PEAR1: variants seen among roughly 807,000 people sequenced by gnomAD.
PEAR1 encodes platelet endothelial aggregation receptor 1.
Under a neutral mutation model 131.2 loss-of-function variants are expected in PEAR1, and 113 were observed. The observed-to-expected ratio is 0.86, with a 90% CI of 0.74 to 1.01. The LOEUF (loss-of-function observed/expected upper bound fraction) is 1.01, where lower values mean the gene tolerates loss of function less well. PEAR1 is among the 50% of genes least tolerant of loss of function. The pLI, the probability that PEAR1 is intolerant of heterozygous loss-of-function variation, is 0.00. For synonymous variants in PEAR1, 565 were observed against 523.3 expected, an observed-to-expected ratio of 1.08 and a Z score of -1.09; for missense variants, 1,408 against 1,391.1, an observed-to-expected ratio of 1.01 and a Z score of -0.19.
rs944098914 is a variant in PEAR1, at chr1:156,907,776, A to C, written c.765+46A>C. 5.1e-6 allele frequency: 8 copies of C among 1,570,932 alleles called. No individual in the cohort carries two copies. In the African/African-American group the frequency reaches 1.1e-4, roughly 22 times the overall value. On this transcript the variant is annotated intron_variant, in intron 7 of 22. Transcript: ENST00000292357. ...GGGCATGGGGTGTGGGTCTGGGGAG[A>C]ATTCTGTGGGTGGTGCTAAGCAGGG...
intron 6 of PEAR1, 60 bp from the exon 7 acceptor site, chr1:156,907,550 G>T (rs991733286): frequency 1.3e-6 from 2 of 1,562,250 alleles, no homozygotes; most frequent in Non-Finnish European, 1.7e-6. Context: ...GTCCTTGGAG[G>T]CAAGAGAGGA....
rs2102950186 is a variant in PEAR1 at position 156,894,681 on chromosome 1, C to G, written c.-10+844C>G. Among the ~76,000 whole-genome samples, 2 of 152,312 alleles carry G rather than the reference C, an allele frequency of 1.3e-5. 1 individual carries two copies. The highest frequency in any genetic ancestry group is 4.2e-4 in the South Asian group (2 of 4,818). On this transcript the variant is annotated intron_variant, in intron 1 of 22. Coordinates refer to ENST00000292357, the MANE Select transcript of PEAR1 (RefSeq NM_001080471.3). ...CAGCAAGGCAACCCTTCACCCCCAC[C>G]CCCGTCTCCAGCCTCCAGTAGCTGC...
chr1:156,911,127 TTTC>T (rs1176192204), intron 15 of PEAR1, among the ~76,000 whole-genome samples: 1 of 124,086 alleles, frequency 8.1e-6, no homozygotes, highest in African/African-American at 3.7e-5. Flanking sequence ...TCTTTCTTTC[TTTC>T]CTTTCTTTCT....
intron 1 of PEAR1, among the ~76,000 whole-genome samples, chr1:156,903,566 G>A (rs926091320): frequency 6.6e-6 from 1 of 152,176 alleles, no homozygotes; most frequent in African/African-American, 2.4e-5. Context: ...TGGGGTGGGG[G>A]TGAATGATAC....
In PEAR1 at chr1:156,906,404, T is replaced by C. The variant is rs371590783; in HGVS notation, c.400+36T>C. ...ACTGACCCCAGGGAGTGGCCTCTTG[T>C]GCCTTCAGGGCCACAGGACCCTCAG... On this transcript the variant is annotated intron_variant, in intron 5 of 22. Transcript: ENST00000292357. 3.1e-6 allele frequency: 5 copies of C among 1,609,524 alleles called. No homozygotes were observed. In the African/African-American group the frequency reaches 6.7e-5, roughly 22 times the overall value.
intron 1 of PEAR1, among the ~76,000 whole-genome samples, chr1:156,899,452 G>A (rs1649470116): frequency 1.3e-5 from 2 of 152,052 alleles, no homozygotes; most frequent in African/African-American, 4.8e-5. Flanking sequence ...TCTCGGGGGA[G>A]CCTGGCCCCC....
intron 1 of PEAR1, among the ~76,000 whole-genome samples, chr1:156,894,733 A>G (rs1327412257): frequency 6.6e-6 from 1 of 152,116 alleles, no homozygotes; most frequent in Non-Finnish European, 1.5e-5. Flanking sequence ...CTGGCCTGTT[A>G]TGAGTGGCCT....
rs939307391 is a variant in PEAR1 at position 156,908,524 on chromosome 1, T to C, written c.1116-131T>C. 7.5e-6 allele frequency: 9 copies of C among 1,199,894 alleles called. No homozygotes were observed. The highest frequency in any genetic ancestry group is 2.9e-5 in the Admixed American group (1 of 35,024). The allele number at this position is 1,199,894 out of a possible 1,614,324, so 74.3% of individuals were successfully genotyped here. Reference sequence around the variant, plus strand: ...ACTTGCCCCAACCCAGTTTTCAGAATAGCGCGGAGCCTCCCTAGTGACCCC... The same window carrying C: ...ACTTGCCCCAACCCAGTTTTCAGAACAGCGCGGAGCCTCCCTAGTGACCCC... On this transcript the variant is annotated intron_variant, in intron 9 of 22. Transcript: ENST00000292357. The surrounding 1 kb of genome is among the most constrained non-coding windows in gnomAD (Gnocchi z 4.2).
Position 156,902,298 on chromosome 1 carries a change from GGGACTGA to G in PEAR1, c.-9-1616_-9-1610del, listed in dbSNP as rs1436616678. On this transcript the variant is annotated intron_variant, in intron 1 of 22. Coordinates refer to ENST00000292357, the MANE Select transcript of PEAR1 (RefSeq NM_001080471.3). This position sits in a 1 kb window ranked among gnomAD's most constrained non-coding sequence, Gnocchi z 4.3. The stretch of plus-strand genomic sequence containing the variant: ...CAGGCCCCACCTGGTGAGTTACTTG[GGGACTGA>G]GGATGGATAGGAGGAAGCACAGAGG... The G allele has an allele frequency of 6.5e-6, 1 of 152,910 alleles. No individual in the cohort carries two copies. The highest frequency in any genetic ancestry group is 1.5e-5 in the Non-Finnish European group (1 of 68,472). 9.5% of individuals were successfully genotyped at this position (152,910 alleles called of 1,614,324 possible). A position where few individuals can be genotyped will look rare whatever the true frequency, so the allele number is the denominator to read the frequency against.
chr1:156,908,190 C>T lies in PEAR1; in HGVS notation c.965C>T (p.Ala322Val), dbSNP rs750423216. The T allele has an allele frequency of 2.5e-6, 4 of 1,602,968 alleles. No homozygotes were observed. Among genetic ancestry groups the T allele is most frequent in the African/African-American group, 1.3e-5 (1 of 74,874 alleles). The change falls in exon 9 of 23, where the codon GCC becomes GTC. Residue 322 changes from alanine to valine, a missense_variant. Coordinates refer to ENST00000292357, the MANE Select transcript of PEAR1 (RefSeq NM_001080471.3). This position sits in a 1 kb window ranked among gnomAD's most constrained non-coding sequence, Gnocchi z 4.2. Reference sequence around the variant, plus strand: ...GACTGTGCTGAGACGTGCGACTGCGCCCCGGACGCCCGTTGCTTCCCGGCC... The same window carrying T: ...GACTGTGCTGAGACGTGCGACTGCGTCCCGGACGCCCGTTGCTTCCCGGCC... ...GQDCAETCDC[A>V]PDARCFPANG...
intron 1 of PEAR1, 58 bp downstream of exon 1, chr1:156,893,895 C>T (rs1400666549): frequency 6.6e-6 from 1 of 152,278 alleles, no homozygotes; most frequent in Non-Finnish European, 1.5e-5. Context: ...CCGGAGACCA[C>T]CCTGCCCCGG....
intron 2 of PEAR1, among the ~76,000 whole-genome samples, chr1:156,904,543 G>A (rs1650015901): frequency 1.3e-5 from 2 of 152,146 alleles, no homozygotes; most frequent in Admixed American, 6.5e-5. Context: ...CTGATGGAGG[G>A]TATCCCAGGA....
Position 156,909,015 on chromosome 1 carries a change from G to C in PEAR1, c.1390G>C (p.Gly464Arg), listed in dbSNP as rs1323824765. Residue 464 changes from glycine to arginine, a missense_variant, in exon 11 of 23, where the codon GGC becomes CGC. Physicochemically the swap from Gly to Arg is moderately radical, Grantham distance 125 (BLOSUM62 -2). Coordinates refer to ENST00000292357, the MANE Select transcript of PEAR1 (RefSeq NM_001080471.3). Reference sequence around the variant, plus strand: ...TGCCATCGCCTGCTCACCCATCGACGGCGAGTGCGTCTGCAAGGAAGGTAA... The same window carrying C: ...TGCCATCGCCTGCTCACCCATCGACCGCGAGTGCGTCTGCAAGGAAGGTAA... ...ENAIACSPID[G>R]ECVCKEGWQR... 1 of 1,613,948 alleles carries C rather than the reference G, an allele frequency of 6.2e-7. No homozygotes were observed. Among genetic ancestry groups the C allele is most frequent in the Non-Finnish European group, 8.5e-7 (1 of 1,180,022 alleles).
In PEAR1 at chr1:156,912,376, G is replaced by A. The variant is rs1651313886; in HGVS notation, c.2080+1G>A. ...TGGACTGGACACCACTGCTTAGAAG[G>A]TACCAACAGAAGGGGAACTCCAGGC... On this transcript the variant is annotated splice_donor_variant, in intron 16 of 22. Coordinates refer to ENST00000292357, the MANE Select transcript of PEAR1 (RefSeq NM_001080471.3). LOFTEE classifies it high-confidence loss of function. The A allele has an allele frequency of 1.9e-6, 3 of 1,611,674 alleles. No individual in the cohort carries two copies. Among genetic ancestry groups the A allele is most frequent in the African/African-American group, 2.7e-5 (2 of 74,884 alleles).
intron 1 of PEAR1, 99 bp from the exon 2 acceptor site, chr1:156,903,819 T>C: frequency 2.1e-6 from 2 of 944,850 alleles, no homozygotes; most frequent in Non-Finnish European, 3.4e-6. Context: ...GGCCGCAGTC[T>C]GGTCTCTTCT....
intron 20 of PEAR1, 41 bp from the exon 21 acceptor site, chr1:156,913,651 G>A (rs1380904795): frequency 2.5e-6 from 4 of 1,606,858 alleles, no homozygotes; most frequent in East Asian, 2.2e-5. Flanking sequence ...AGCCGGGGGA[G>A]GGGACAGAGG....
chr1:156,911,385 T>C (rs1217826686), intron 15 of PEAR1, among the ~76,000 whole-genome samples: 1 of 151,026 alleles, frequency 6.6e-6, no homozygotes, highest in African/African-American at 2.4e-5. Context: ...GTTTAGTTAA[T>C]TCTTTTGCCT....
Position 156,913,427 on chromosome 1 carries a change from G to A in PEAR1, c.2548G>A (p.Glu850Lys). ...GCTCTTTGCCAGCCTGCAGAACCCTGAGCGGCCAGGTGGGGCCCAAGGGCA... is the reference window on the plus strand; with the variant it reads ...GCTCTTTGCCAGCCTGCAGAACCCTAAGCGGCCAGGTGGGGCCCAAGGGCA... ...GPLFASLQNP[E>K]RPGGAQGHDN... Residue 850 changes from glutamate to lysine, a missense_variant, in exon 20 of 23, where the codon GAG (glutamate) becomes AAG (lysine). By Grantham distance (56) the Glu-to-Lys change is moderately conservative. Transcript: ENST00000292357. The A allele has an allele frequency of 1.2e-6, 2 of 1,613,952 alleles. No homozygotes were observed. The highest frequency in any genetic ancestry group is 1.3e-5 in the African/African-American group (1 of 75,060).
chr1:156,906,897 A>G lies in PEAR1; in HGVS notation c.644+17A>G. On this transcript the variant is annotated intron_variant, in intron 6 of 22. Transcript: ENST00000292357. Reference sequence around the variant, plus strand: ...TGGGCCCAGGTATGTAATGGGGGGAACGACACTTTAACAAGATCGCAGACA... The same window carrying G: ...TGGGCCCAGGTATGTAATGGGGGGAGCGACACTTTAACAAGATCGCAGACA... 6.2e-7 allele frequency: 1 copy of G among 1,611,044 alleles called. No individual in the cohort carries two copies. The highest frequency in any genetic ancestry group is 8.5e-7 in the Non-Finnish European group (1 of 1,178,356).
Sources: gnomAD v4.1 joint callset for allele counts (sites outside exome capture counted in the v4.1 genomes callset) on GRCh38, gnomAD v4.1.1 for gene constraint, Gnocchi (gnomAD v3.1) non-coding constraint, MANE v1.5 for transcripts, NCBI Gene and HGNC (gene_info 2026-07-23, HGNC 2026-07-21) for gene names.